Variants in FER1L6 observed in about 807,000 individuals in gnomAD.
The protein encoded by FER1L6 is fer-1 like family member 6.
In FER1L6, 177 loss-of-function variants were observed where a neutral mutation model predicts 219.2. The observed-to-expected ratio is 0.81, with a 90% confidence interval of 0.71 to 0.91. FER1L6 has a LOEUF of 0.91. FER1L6 is among the 40% of genes least tolerant of loss of function. The probability of loss-of-function intolerance (pLI) is 0.00; values close to 1 mark genes in which losing one functional copy is unlikely to be tolerated. For synonymous variants in FER1L6, 768 were observed against 824.3 expected, an observed-to-expected ratio of 0.93 and a Z score of 1.17; for missense variants, 2,153 against 2,259.9, an observed-to-expected ratio of 0.95 and a Z score of 0.96.
intron 20 of FER1L6, among the ~76,000 whole-genome samples, chr8:124,041,621 G>GT: frequency 6.6e-6 from 1 of 152,176 alleles, no homozygotes; most frequent in East Asian, 1.9e-4. Flanking sequence ...AAGCCTCAGG[G>GT]TGCAGGGCTG....
At chr8:124,065,555 C>T (rs150126061) in intron 26 of FER1L6, among the ~76,000 whole-genome samples, 20 of 152,246 alleles carry the variant, frequency 1.3e-4, no homozygotes, top group South Asian at 4.2e-4. Context: ...CCCTCTGTGA[C>T]GCCTTACCAG....
intron 1 of FER1L6, among the ~76,000 whole-genome samples, chr8:123,935,211 A>T (rs934757764): frequency 1.3e-5 from 2 of 151,840 alleles, no homozygotes; most frequent in African/African-American, 2.4e-5. Flanking sequence ...CCTTTTTATT[A>T]TCAGTATGAG....
chr8:123,926,473 G>A (rs572679345), intron 1 of FER1L6, among the ~76,000 whole-genome samples: 21 of 152,292 alleles, frequency 1.4e-4, no homozygotes, highest in African/African-American at 4.8e-4. Context: ...CTGGGAGTTC[G>A]TCACCGGGAA....
chr8:124,069,228 G>C (rs1820960588), intron 28 of FER1L6, 132 bp from the exon 29 acceptor site: 1 of 678,130 alleles, frequency 1.5e-6, no homozygotes, highest in South Asian at 1.7e-5. Flanking sequence ...GAGCCACCGT[G>C]CCTGGCCACA....
At chr8:124,093,939 C>T (rs921510123) in intron 34 of FER1L6, among the ~76,000 whole-genome samples, 1 of 151,728 alleles carries the variant, frequency 6.6e-6, no homozygotes, top group Non-Finnish European at 1.5e-5. Flanking sequence ...TTTTTAAAGA[C>T]AAGTTCAATT....
At chr8:124,003,065 C>A in intron 12 of FER1L6, 102 bp from the exon 13 acceptor site, 1 of 939,850 alleles carries the variant, frequency 1.1e-6, no homozygotes, top group Non-Finnish European at 1.7e-6. Flanking sequence ...TGGGAGCTTA[C>A]CTTATTGCTG....
In FER1L6 at chr8:123,868,193, G is replaced by C. The variant is rs191383861; in HGVS notation, c.-8+16008G>C. Among the ~76,000 whole-genome samples the C allele has an allele frequency of 1.3e-3, 198 of 152,268 alleles. 2 individuals carry two copies. Among genetic ancestry groups the C allele is most frequent in the African/African-American group, 4.5e-3 (185 of 41,532 alleles). Reference sequence around the variant, plus strand: ...CATATCTGGGTAGGTGACTTCATCAGAGTTTTCAAACAGGCGAGTAGGCTA... The same window carrying C: ...CATATCTGGGTAGGTGACTTCATCACAGTTTTCAAACAGGCGAGTAGGCTA... On this transcript the variant is annotated intron_variant, in intron 1 of 40. Coordinates refer to ENST00000522917, the MANE Select transcript of FER1L6 (RefSeq NM_001039112.2).
chr8:123,904,671 G>A (rs1468884607), intron 1 of FER1L6, among the ~76,000 whole-genome samples: 3 of 152,182 alleles, frequency 2.0e-5, no homozygotes, highest in Non-Finnish European at 4.4e-5. Context: ...CCAAGTTAGG[G>A]TTGACTTGAA....
At chr8:123,987,717 T>C (rs1816657851) in intron 12 of FER1L6, among the ~76,000 whole-genome samples, 1 of 152,054 alleles carries the variant, frequency 6.6e-6, no homozygotes. Context: ...AACATAGGGG[T>C]CTAGTTTCAT....
intron 1 of FER1L6, among the ~76,000 whole-genome samples, chr8:123,877,983 G>GAAC (rs1817035121): frequency 2.0e-5 from 3 of 152,162 alleles, no homozygotes; most frequent in Non-Finnish European, 4.4e-5. Context: ...TTGGCATTGT[G>GAAC]AACAATCACA....
intron 1 of FER1L6, among the ~76,000 whole-genome samples, chr8:123,888,429 G>A (rs182730881): frequency 6.6e-6 from 1 of 152,172 alleles, no homozygotes; most frequent in Admixed American, 6.6e-5. Flanking sequence ...ATATTCTTTT[G>A]TAATACTCTT....
intron 1 of FER1L6, among the ~76,000 whole-genome samples, chr8:123,904,862 A>C (rs1294044738): frequency 6.6e-6 from 1 of 152,238 alleles, no homozygotes; most frequent in African/African-American, 2.4e-5. Context: ...TTCAAGAGTC[A>C]GTTGTTAAAC....
At chr8:124,014,625 C>A (rs1046703038) in intron 15 of FER1L6, among the ~76,000 whole-genome samples, 1 of 152,250 alleles carries the variant, frequency 6.6e-6, no homozygotes, top group Non-Finnish European at 1.5e-5. Flanking sequence ...TGAGGCCTTG[C>A]AATTTTCAAA....
chr8:124,031,789 G>C (rs1165308109), intron 18 of FER1L6, among the ~76,000 whole-genome samples: 1 of 152,126 alleles, frequency 6.6e-6, no homozygotes, highest in Non-Finnish European at 1.5e-5. Flanking sequence ...CCAGTTGAGG[G>C]AAGGCAGGGG....
At chr8:124,025,551 A>G (rs1818669107) in intron 18 of FER1L6, among the ~76,000 whole-genome samples, 1 of 152,178 alleles carries the variant, frequency 6.6e-6, no homozygotes, top group Non-Finnish European at 1.5e-5. Flanking sequence ...CTACTTTTAT[A>G]GCAGTACCAT....
At chr8:123,982,884 G>A (rs1254384694) in intron 11 of FER1L6, among the ~76,000 whole-genome samples, 1 of 152,186 alleles carries the variant, frequency 6.6e-6, no homozygotes, top group Non-Finnish European at 1.5e-5. Flanking sequence ...AGGATCCTGT[G>A]ACATGGCAGC....
intron 18 of FER1L6, among the ~76,000 whole-genome samples, chr8:124,032,235 G>C (rs551011879): frequency 1.2e-3 from 163 of 140,626 alleles, no homozygotes; most frequent in African/African-American, 3.9e-3. Flanking sequence ...GACCAGCCTG[G>C]CCAACATGGT....
At chr8:124,007,576 ATC>A (rs1310096613) in intron 13 of FER1L6, among the ~76,000 whole-genome samples, 1 of 152,148 alleles carries the variant, frequency 6.6e-6, no homozygotes, top group East Asian at 1.9e-4. Flanking sequence ...CTTTTCTGTC[ATC>A]TCTCTCACAC....
intron 1 of FER1L6, among the ~76,000 whole-genome samples, chr8:123,884,280 G>T (rs149820509): frequency 1.1e-3 from 173 of 152,280 alleles, no homozygotes; most frequent in African/African-American, 4.0e-3. Flanking sequence ...TCCAATCTTA[G>T]GATGGAGTTA....
Sources: gnomAD v4.1 joint callset for allele counts (sites outside exome capture counted in the v4.1 genomes callset) on GRCh38, gnomAD v4.1.1 for gene constraint, MANE v1.5 for transcripts, NCBI Gene and HGNC (gene_info 2026-07-23, HGNC 2026-07-21) for gene names.